The following ERBB4 variants were observed in gnomAD, a reference collection of about 807,000 sequenced individuals.
ERBB4 encodes the protein erb-b2 receptor tyrosine kinase 4, also known as receptor tyrosine-protein kinase erbB-4.
ERBB4 carries 42 observed loss-of-function variants against 158.0 expected under a neutral mutation model. The observed-to-expected ratio is 0.27, with a 90% confidence interval of 0.21 to 0.34. The LOEUF is 0.34. Ranked by LOEUF, ERBB4 falls within the 10% of genes least tolerant of loss-of-function variation. The pLI is 1.00. For missense variants in ERBB4, 1,333 were observed against 1,624.1 expected (o/e 0.82, Z 3.08); for synonymous variants, 583 against 558.7 (o/e 1.04, Z -0.61).
At chr2:212,425,337 G>GATACATATATATGAACATATATGT (rs2091885454) in intron 1 of ERBB4, among the ~76,000 whole-genome samples, 3 of 132,996 alleles carry the variant, frequency 2.3e-5, no homozygotes, top group African/African-American at 9.3e-5. Flanking sequence ...AATATATAAG[G>GATACATATATATGAACATATATGT]ATACATATAT....
chr2:211,724,362 A>T (rs561332847), intron 6 of ERBB4, among the ~76,000 whole-genome samples: 176 of 145,348 alleles, frequency 1.2e-3, no homozygotes, highest in African/African-American at 3.1e-3. Context: ...TTTTTTTTTT[A>T]AAAAAAGCTC....
At chr2:211,992,232 C>A (rs1264817095) in intron 2 of ERBB4, among the ~76,000 whole-genome samples, 1 of 152,106 alleles carries the variant, frequency 6.6e-6, no homozygotes, top group Non-Finnish European at 1.5e-5. Flanking sequence ...ATTGGACTTA[C>A]AGTTCCACAT....
rs78845544 is a variant in ERBB4, at chr2:212,255,603, T to C, written c.83-130700A>G. Among the ~76,000 whole-genome samples, 1,470 of 152,250 alleles carry C rather than the reference T, an allele frequency of 9.7e-3. 21 individuals carry two copies. Among genetic ancestry groups the C allele is most frequent in the African/African-American group, 0.034 (1,410 of 41,540 alleles). On this transcript the variant is annotated intron_variant, in intron 1 of 27. Coordinates refer to ENST00000342788, the MANE Select transcript of ERBB4 (RefSeq NM_005235.3). Reference sequence around the variant, plus strand: ...CTTCAGATTTTAGGTTTTTGGTGTGTGTGTGTTTTTTTTAAATATTTGCAT... The same window carrying C: ...CTTCAGATTTTAGGTTTTTGGTGTGCGTGTGTTTTTTTTAAATATTTGCAT...
intron 3 of ERBB4, among the ~76,000 whole-genome samples, chr2:211,834,998 T>G (rs2077309109): frequency 6.6e-6 from 1 of 152,160 alleles, no homozygotes; most frequent in Non-Finnish European, 1.5e-5. Context: ...TCAGTCATAA[T>G]GCATAAACAT....
chr2:211,824,372 G>C (rs1375787269), intron 3 of ERBB4, among the ~76,000 whole-genome samples: 1 of 151,946 alleles, frequency 6.6e-6, no homozygotes, highest in Non-Finnish European at 1.5e-5. Context: ...CTGTTGTATG[G>C]TATCTCTGGC....
At chr2:211,515,912 A>ATATATATATATATATATATATATATTT (rs35696520) in intron 20 of ERBB4, among the ~76,000 whole-genome samples, 2 of 78,984 alleles carry the variant, frequency 2.5e-5, no homozygotes, top group African/African-American at 1.1e-4. Flanking sequence ...ATATATATAT[A>ATATATATATATATATATATATATATTT]TTTTTTTTTT....
intron 9 of ERBB4, among the ~76,000 whole-genome samples, chr2:211,706,155 A>C (rs2073432024): frequency 1.3e-5 from 2 of 152,174 alleles, no homozygotes; most frequent in South Asian, 4.1e-4. Context: ...CCATTTACAG[A>C]GAGATTAAAT....
At chr2:211,866,701 A>G (rs928265111) in intron 3 of ERBB4, among the ~76,000 whole-genome samples, 3 of 152,132 alleles carry the variant, frequency 2.0e-5, no homozygotes, top group African/African-American at 7.2e-5. Flanking sequence ...CATTAATCCC[A>G]CTGTTTATAA....
intron 12 of ERBB4, among the ~76,000 whole-genome samples, chr2:211,696,444 T>A (rs2073025862): frequency 6.6e-6 from 1 of 151,918 alleles, no homozygotes; most frequent in African/African-American, 2.4e-5. Flanking sequence ...AGGCCTTCAA[T>A]GAGGTGAATA....
At chr2:212,176,501 C>T (rs1025141374) in intron 1 of ERBB4, among the ~76,000 whole-genome samples, 1 of 152,002 alleles carries the variant, frequency 6.6e-6, no homozygotes, top group African/African-American at 2.4e-5. Context: ...TAGCACCCTG[C>T]TCTTTGACTT....
At chr2:212,022,211 G>T (rs916548764) in intron 2 of ERBB4, among the ~76,000 whole-genome samples, 2 of 151,982 alleles carry the variant, frequency 1.3e-5, no homozygotes, top group Non-Finnish European at 2.9e-5. Flanking sequence ...TAAATCATTC[G>T]ATTATAAAGA....
intron 20 of ERBB4, among the ~76,000 whole-genome samples, chr2:211,439,299 T>C (rs1457971370): frequency 6.6e-6 from 1 of 152,186 alleles, no homozygotes; most frequent in Non-Finnish European, 1.5e-5. Context: ...TTTCAAGTTG[T>C]TGAAGACACA....
chr2:212,276,127 A>G (rs985209347), intron 1 of ERBB4, among the ~76,000 whole-genome samples: 4 of 151,804 alleles, frequency 2.6e-5, no homozygotes, highest in Non-Finnish European at 2.9e-5. Flanking sequence ...AAATTATTTC[A>G]TCACAAACAA....
At chr2:211,678,327 A>T (rs1347638150) in intron 13 of ERBB4, among the ~76,000 whole-genome samples, 1 of 151,738 alleles carries the variant, frequency 6.6e-6, no homozygotes, top group Non-Finnish European at 1.5e-5. Context: ...ACAAAAAAAA[A>T]AAAACAAGAA....
intron 3 of ERBB4, among the ~76,000 whole-genome samples, chr2:211,913,371 G>A (rs1211496482): frequency 1.3e-5 from 2 of 152,126 alleles, no homozygotes; most frequent in African/African-American, 4.8e-5. Flanking sequence ...AGGCTGAGGC[G>A]GGCGGATCAC....
At chr2:212,497,193 A>AC in intron 1 of ERBB4, among the ~76,000 whole-genome samples, 1 of 152,114 alleles carries the variant, frequency 6.6e-6, no homozygotes, top group East Asian at 1.9e-4. Context: ...AAAAAAAAAA[A>AC]AAAACCCTAT....
At chr2:212,174,477 A>G (rs976558357) in intron 1 of ERBB4, among the ~76,000 whole-genome samples, 11 of 152,108 alleles carry the variant, frequency 7.2e-5, no homozygotes, top group Admixed American at 1.3e-4. Flanking sequence ...AAATTACCCA[A>G]TATGGACTTG....
chr2:212,162,951 T>G (rs935517326), intron 1 of ERBB4, among the ~76,000 whole-genome samples: 3 of 152,086 alleles, frequency 2.0e-5, no homozygotes, highest in Non-Finnish European at 4.4e-5. Context: ...AAAAGATTTC[T>G]TTTTGTGTCT....
intron 4 of ERBB4, among the ~76,000 whole-genome samples, chr2:211,756,815 G>A (rs1319163546): frequency 1.3e-5 from 2 of 152,146 alleles, no homozygotes; most frequent in Admixed American, 1.3e-4. Flanking sequence ...CATATTTTGA[G>A]ACAATGCTTT....
Sources: gnomAD v4.1 joint callset for allele counts (sites outside exome capture counted in the v4.1 genomes callset) on GRCh38, gnomAD v4.1.1 for gene constraint, MANE v1.5 for transcripts, NCBI Gene and HGNC (gene_info 2026-07-23, HGNC 2026-07-21) for gene names.